Variants in RRP7A observed in about 807,000 individuals in gnomAD.
RRP7A encodes the protein ribosomal RNA-processing protein 7 homolog A.
RRP7A carries 27 observed loss-of-function variants against 38.4 expected under a neutral mutation model. That is an observed-to-expected ratio of 0.70 (90% CI 0.52 to 0.97). RRP7A has a LOEUF of 0.97. RRP7A is among the 50% of genes least tolerant of loss of function. The probability of loss-of-function intolerance (pLI) is 0.00; values close to 1 mark genes in which losing one functional copy is unlikely to be tolerated. For missense variants in RRP7A, 327 were observed against 375.4 expected, an observed-to-expected ratio of 0.87 and a Z score of 1.07; for synonymous variants, 124 against 150.3, an observed-to-expected ratio of 0.83 and a Z score of 1.28.
Position 42,510,933 on chromosome 22 carries a change from TTGGTGGGGAGGTTCTTTACCATCCTCAA to T in RRP7A, c.*1949_*1976del, listed in dbSNP as rs1401969811. ...ATCAGAATTTAAGAAACAGAGACCT[TTGGTGGGGAGGTTCTTTACCATCCTCAA>T]GTACCCACCCCTCCTTCTTGGGGCC... is the stretch of plus-strand genomic sequence containing the variant. On this transcript the variant is annotated 3_prime_UTR_variant, in exon 7 of 7. Transcript: ENST00000323013. 1 of 419,846 alleles carries T rather than the reference TTGGTGGGGAGGTTCTTTACCATCCTCAA, an allele frequency of 2.4e-6. No individual in the cohort carries two copies. The highest frequency in any genetic ancestry group is 3.4e-6 in the Non-Finnish European group (1 of 296,202). The allele number at this position is 419,846 out of a possible 1,614,324, so 26.0% of individuals were successfully genotyped here.
chr22:42,515,384 T>A, intron 3 of RRP7A, 116 bp from the exon 4 acceptor site: 1 of 702,256 alleles, frequency 1.4e-6, no homozygotes, highest in Non-Finnish European at 2.5e-6. Flanking sequence ...GCTAGGCTAT[T>A]CCTGAGCCAT....
rs1264758820 is a variant in RRP7A, at chr22:42,519,751, G to C, written c.36C>G (p.Asp12Glu). 5 of 1,454,804 alleles carry C rather than the reference G, an allele frequency of 3.4e-6. No individual in the cohort carries two copies. The highest frequency in any genetic ancestry group is 4.5e-6 in the Non-Finnish European group (5 of 1,105,864). 90.1% of individuals were successfully genotyped at this position (1,454,804 alleles called of 1,614,324 possible). A position where few individuals can be genotyped will look rare whatever the true frequency, so the allele number is the denominator to read the frequency against. The change falls in exon 1 of 7, where the codon GAC becomes GAG. Residue 12 changes from aspartate to glutamate, a missense_variant. Physicochemically the swap from Asp to Glu is conservative, Grantham distance 45. Around this residue, in one of 5 missense-constraint regions of RRP7A, gnomAD observed 183 missense variants for 141.8 expected, o/e 1.29. Transcript: ENST00000323013. ...VARRRKCAARDPEDRIPSPLG... is the reference protein window; with the variant it reads ...VARRRKCAAREPEDRIPSPLG... ...GTGGGCTGGGGATACGGTCCTCCGG[G>C]TCCCGCGCGGCGCACTTCCTCCTGC...
At chr22:42,513,884 G>A (rs1418912113) in intron 6 of RRP7A, among the ~76,000 whole-genome samples, 3 of 152,114 alleles carry the variant, frequency 2.0e-5, no homozygotes, top group Admixed American at 6.5e-5. Context: ...CCCACCCACT[G>A]AGCAAATGCA....
In RRP7A at chr22:42,516,116, C is replaced by G; in HGVS notation, c.237G>C (p.Leu79=). The G allele has an allele frequency of 3.1e-6, 5 of 1,613,538 alleles. No homozygotes were observed. The highest frequency in any genetic ancestry group is 4.2e-6 in the Non-Finnish European group (5 of 1,179,742). The change falls in exon 3 of 7, where the codon CTG becomes CTC. Residue 79 remains leucine, a synonymous_variant. Transcript: ENST00000323013. The part of the protein sequence containing the change: ...YCTEESLSRL[L]STCGLVQSVE... ...CAGACTGGACGAGGCCACAGGTGGA[C>G]AGGAGGCGGGACAGGCTCTCCTGCC...
chr22:42,519,703 G>A lies in RRP7A; in HGVS notation c.73+11C>T. 1 of 1,447,394 alleles carries A rather than the reference G, an allele frequency of 6.9e-7. No homozygotes were observed. The highest frequency in any genetic ancestry group is 9.1e-7 in the Non-Finnish European group (1 of 1,100,226). The allele number at this position is 1,447,394 out of a possible 1,614,324, so 89.7% of individuals were successfully genotyped here. ...TGACCGCCCCCGGTCTCGCGTCCCG[G>A]AGCCCCTCACCTGCGTAGCCCAGTG... On this transcript the variant is annotated intron_variant, in intron 1 of 6. Coordinates refer to ENST00000323013, the MANE Select transcript of RRP7A (RefSeq NM_015703.5).
chr22:42,517,581 G>A (rs1240812745), intron 2 of RRP7A, among the ~76,000 whole-genome samples: 7 of 151,896 alleles, frequency 4.6e-5, no homozygotes, highest in Admixed American at 1.3e-4. Context: ...GTGCAGTGGC[G>A]CGATCTTGGC....
Position 42,512,830 on chromosome 22 carries a change from G to A in RRP7A, c.*80C>T, listed in dbSNP as rs1932509928. 2.1e-6 allele frequency: 3 copies of A among 1,446,798 alleles called. No individual in the cohort carries two copies. Among genetic ancestry groups the A allele is most frequent in the Admixed American group, 1.9e-5 (1 of 53,340 alleles). The allele number at this position is 1,446,798 out of a possible 1,614,324, so 89.6% of individuals were successfully genotyped here. ...CCTGGGGCCCGTTGGCCAGAGCTCG[G>A]CCTCTCAGAGACCGCTGCAGGCCCT... On this transcript the variant is annotated 3_prime_UTR_variant, in exon 7 of 7. Coordinates refer to ENST00000323013, the MANE Select transcript of RRP7A (RefSeq NM_015703.5).
Position 42,509,537 on chromosome 22 carries a change from T to G in RRP7A, c.*3373A>C, listed in dbSNP as rs944240259. Among the ~76,000 whole-genome samples the G allele has an allele frequency of 6.7e-6, 1 of 150,240 alleles. No individual in the cohort carries two copies. The highest frequency in any genetic ancestry group is 1.9e-4 in the East Asian group (1 of 5,140). ...TAGTAGAGACGAGGTTTCGCCATGT[T>G]GGCCAGGCTGCTCTCCATCTCCTGA... On this transcript the variant is annotated 3_prime_UTR_variant, in exon 7 of 7. Transcript: ENST00000323013.
chr22:42,510,534 T>C lies in RRP7A; in HGVS notation c.*2376A>G. On this transcript the variant is annotated 3_prime_UTR_variant, in exon 7 of 7. Coordinates refer to ENST00000323013, the MANE Select transcript of RRP7A (RefSeq NM_015703.5). ...GGAGTTGGGGTAGCCCAGGCTTTGG[T>C]TTCTCCTCAGAGGCCTGAACCCAGG... 1 of 456,214 alleles carries C rather than the reference T, an allele frequency of 2.2e-6. No individual in the cohort carries two copies. The allele number at this position is 456,214 out of a possible 1,614,324, so 28.3% of individuals were successfully genotyped here. A position where few individuals can be genotyped will look rare whatever the true frequency, so the allele number is the denominator to read the frequency against.
At chr22:42,517,476 C>T (rs1403479166) in intron 2 of RRP7A, among the ~76,000 whole-genome samples, 4 of 151,720 alleles carry the variant, frequency 2.6e-5, no homozygotes, top group African/African-American at 9.7e-5. Context: ...ATTCAGACAA[C>T]TTTGGGTAAT....
intron 1 of RRP7A, 50 bp downstream of exon 1, chr22:42,519,664 C>T (rs1344639224): frequency 3.3e-5 from 46 of 1,410,340 alleles, no homozygotes; most frequent in Non-Finnish European, 4.2e-5. Flanking sequence ...CCCCAAACAC[C>T]TCCCGGCGAT....
rs910487068 is a variant in RRP7A, at chr22:42,510,641, G to A, written c.*2269C>T. On this transcript the variant is annotated 3_prime_UTR_variant, in exon 7 of 7. Coordinates refer to ENST00000323013, the MANE Select transcript of RRP7A (RefSeq NM_015703.5). ...CTCCTCACTTTCCAGAGCAGTCCAC[G>A]GATATTTTGATCCAAGAGAGAATTA... The A allele has an allele frequency of 3.0e-5, 39 of 1,316,624 alleles. No homozygotes were observed. Among genetic ancestry groups the A allele is most frequent in the Middle Eastern group, 1.9e-4 (1 of 5,258 alleles). 81.6% of individuals were successfully genotyped at this position (1,316,624 alleles called of 1,614,324 possible).
In RRP7A at chr22:42,511,847, G is replaced by C. The variant is rs1350926584; in HGVS notation, c.*1063C>G. On this transcript the variant is annotated 3_prime_UTR_variant, in exon 7 of 7. Coordinates refer to ENST00000323013, the MANE Select transcript of RRP7A (RefSeq NM_015703.5). ...TTCGGATACAATCACAGCAACCCTG[G>C]CCTCGGCCCTGCCCTGTCCCTGCCA... 1 of 492,264 alleles carries C rather than the reference G, an allele frequency of 2.0e-6. No homozygotes were observed. Among genetic ancestry groups the C allele is most frequent in the African/African-American group, 2.0e-5 (1 of 51,192 alleles). 30.5% of individuals were successfully genotyped at this position (492,264 alleles called of 1,614,324 possible).
At position 42,512,956 on chromosome 22, in the gene RRP7A, T is replaced by C. The variant is rs773440850; in HGVS notation, c.797A>G (p.Gln266Arg). ...QLRKKFEEDKQRIELLRAQRK... is the reference protein window; with the variant it reads ...QLRKKFEEDKRRIELLRAQRK... ...CTGGGCCCGCAGCAGCTCGATCCTC[T>C]GCTTGTCCTCCTCGAACTTCTTGCG... Residue 266 changes from glutamine to arginine, a missense_variant, in exon 7 of 7, where the codon CAG (glutamine) becomes CGG (arginine). Physicochemically the swap from Gln to Arg is conservative, Grantham distance 43 (BLOSUM62 1). Transcript: ENST00000323013. 1.9e-6 allele frequency: 3 copies of C among 1,613,564 alleles called. No individual in the cohort carries two copies. The highest frequency in any genetic ancestry group is 2.2e-5 in the South Asian group (2 of 91,030).
rs1569258251 is a variant in RRP7A, at chr22:42,510,695, A to G, written c.*2215T>C. 1 of 1,487,042 alleles carries G rather than the reference A, an allele frequency of 6.7e-7. No individual in the cohort carries two copies. The highest frequency in any genetic ancestry group is 9.2e-7 in the Non-Finnish European group (1 of 1,087,768). 92.1% of individuals were successfully genotyped at this position (1,487,042 alleles called of 1,614,324 possible). On this transcript the variant is annotated 3_prime_UTR_variant, in exon 7 of 7. Coordinates refer to ENST00000323013, the MANE Select transcript of RRP7A (RefSeq NM_015703.5). ...TGACAAGGAGTCCCTGTCGTTCATG[A>G]TAGACACAATGAAATCCACCCTCAA...
In RRP7A at chr22:42,511,708, T is replaced by G. The variant is rs1352147506; in HGVS notation, c.*1202A>C. On this transcript the variant is annotated 3_prime_UTR_variant, in exon 7 of 7. Coordinates refer to ENST00000323013, the MANE Select transcript of RRP7A (RefSeq NM_015703.5). ...AGAAGCCCACCTGTGGCTGGCTGGC[T>G]GGCCGCCAGGTCAGAGCCAAGGCAG... 5.9e-6 allele frequency: 1 copy of G among 169,496 alleles called. No individual in the cohort carries two copies. Among genetic ancestry groups the G allele is most frequent in the Non-Finnish European group, 1.3e-5 (1 of 79,054 alleles). The allele number at this position is 169,496 out of a possible 1,614,324, so 10.5% of individuals were successfully genotyped here. A position where few individuals can be genotyped will look rare whatever the true frequency, so the allele number is the denominator to read the frequency against.
rs2146613019 is a variant in RRP7A at position 42,508,953 on chromosome 22, A to C, written c.*3957T>G. ...GCCCTCGCCAGGGCTTAGCCACCCC[A>C]ACAGAGATGGGTTTCGTGCCCACGA... On this transcript the variant is annotated 3_prime_UTR_variant, in exon 7 of 7. Transcript: ENST00000323013. 1 of 1,604,324 alleles carries C rather than the reference A, an allele frequency of 6.2e-7. No individual in the cohort carries two copies. Among genetic ancestry groups the C allele is most frequent in the African/African-American group, 1.3e-5 (1 of 74,890 alleles).
chr22:42,513,126 C>G, intron 6 of RRP7A, 131 bp from the exon 7 acceptor site: 1 of 769,120 alleles, frequency 1.3e-6, no homozygotes, highest in Non-Finnish European at 2.2e-6. Flanking sequence ...CCATCCCCCT[C>G]CCAGCTCTGC....
intron 6 of RRP7A, among the ~76,000 whole-genome samples, chr22:42,513,673 G>A (rs1179147723): frequency 8.4e-6 from 1 of 119,412 alleles, no homozygotes; most frequent in Non-Finnish European, 1.7e-5. Context: ...GCATGGGAGG[G>A]TCCTGTGCGG....
Sources: allele counts gnomAD v4.1 joint callset (sites outside exome capture counted in the v4.1 genomes callset), GRCh38; gene constraint gnomAD v4.1.1; regional missense constraint gnomAD v4.1.1; transcripts MANE v1.5; gene names NCBI Gene and HGNC (gene_info 2026-07-23, HGNC 2026-07-21).